The following EYS variants were observed in gnomAD, a reference collection of about 807,000 sequenced individuals.
EYS encodes the protein EGF-like photoreceptor maintenance factor.
Under a neutral mutation model 282.1 loss-of-function variants are expected in EYS, and 250 were observed. The observed-to-expected ratio is 0.89, with a 90% CI of 0.80 to 0.98. The LOEUF (loss-of-function observed/expected upper bound fraction) is 0.98. EYS is among the 50% of genes least tolerant of loss of function. EYS has a pLI of 0.00. For missense variants in EYS, 4,016 were observed against 3,709.0 expected (o/e 1.08, Z -2.15); for synonymous variants, 1,355 against 1,282.9 (o/e 1.06, Z -1.20).
intron 28 of EYS, among the ~76,000 whole-genome samples, chr6:64,389,153 A>G (rs962700337): frequency 2.0e-5 from 3 of 152,320 alleles, no homozygotes; most frequent in African/African-American, 7.2e-5. Flanking sequence ...AGCTTTTTAC[A>G]TTATTAAATT....
At chr6:64,394,202 C>T (rs950274102) in intron 28 of EYS, among the ~76,000 whole-genome samples, 4 of 152,196 alleles carry the variant, frequency 2.6e-5, no homozygotes, top group African/African-American at 9.7e-5. Context: ...AATGGCCATA[C>T]TGCCCAAGGT....
rs531578832 is a variant in EYS at position 65,449,130 on chromosome 6, A to G, written c.862+41464T>C. Among the ~76,000 whole-genome samples, 21 of 152,162 alleles carry G rather than the reference A, an allele frequency of 1.4e-4. No homozygotes were observed. In the South Asian group the frequency reaches 2.1e-3, roughly 15 times the overall value. On this transcript the variant is annotated intron_variant, in intron 5 of 42. Transcript: ENST00000503581. ...CCTAGTCCAAAAGATTCTTGGGGCC[A>G]TCTGCTCTGTTTTGCCTTCTGAGGC...
At chr6:64,143,385 A>G (rs71570665) in intron 31 of EYS, among the ~76,000 whole-genome samples, 1 of 147,096 alleles carries the variant, frequency 6.8e-6, no homozygotes, top group South Asian at 2.2e-4. Context: ...AAAAAAAAGT[A>G]TCACTGTAGT....
At chr6:64,383,506 C>G (rs1241606238) in intron 29 of EYS, among the ~76,000 whole-genome samples, 1 of 152,170 alleles carries the variant, frequency 6.6e-6, no homozygotes. Context: ...GCGGAATAAG[C>G]AGATGGGTGA....
At chr6:63,879,530 T>C (rs961306091) in intron 35 of EYS, among the ~76,000 whole-genome samples, 1 of 152,128 alleles carries the variant, frequency 6.6e-6, no homozygotes, top group African/African-American at 2.4e-5. Context: ...CTTATCTAAA[T>C]AGAAAGATCC....
intron 8 of EYS, among the ~76,000 whole-genome samples, chr6:65,382,204 T>A (rs1277766347): frequency 7.2e-6 from 1 of 139,184 alleles, no homozygotes; most frequent in South Asian, 2.3e-4. Context: ...AAGAACCTCA[T>A]CCTTTGGTGT....
At position 64,034,843 on chromosome 6, in the gene EYS, GAA is replaced by G. The variant is rs575761921; in HGVS notation, c.6725+31493_6725+31494del. ...ACGAGGCATTCTCTTACAACTAAAGGAAAAAAAAAGAGTCTAAGCTGCAGCAA... is the reference window on the plus strand; with the variant it reads ...ACGAGGCATTCTCTTACAACTAAAGGAAAAAAAGAGTCTAAGCTGCAGCAA... On this transcript the variant is annotated intron_variant, in intron 33 of 42. Coordinates refer to ENST00000503581, the MANE Select transcript of EYS (RefSeq NM_001142800.2). Among the ~76,000 whole-genome samples the G allele has an allele frequency of 6.7e-5, 10 of 149,682 alleles. No individual in the cohort carries two copies. In the South Asian group the frequency reaches 1.9e-3, roughly 29 times the overall value.
chr6:64,289,982 A>G (rs2150365176), intron 30 of EYS, among the ~76,000 whole-genome samples: 2 of 152,202 alleles, frequency 1.3e-5, no homozygotes, highest in Middle Eastern at 3.4e-3. Flanking sequence ...AATAATCAAC[A>G]ATTATCTGAT....
chr6:65,243,358 A>G (rs1410422495), intron 12 of EYS, among the ~76,000 whole-genome samples: 1 of 152,208 alleles, frequency 6.6e-6, no homozygotes, highest in Non-Finnish European at 1.5e-5. Context: ...AGCAGAGATC[A>G]GAGTTACTGG....
intron 12 of EYS, among the ~76,000 whole-genome samples, chr6:65,084,568 C>T (rs543514952): frequency 6.6e-6 from 1 of 152,168 alleles, no homozygotes; most frequent in African/African-American, 2.4e-5. Flanking sequence ...TCTTCACTGT[C>T]GTGTATCCTA....
At chr6:64,411,961 A>G (rs1208944861) in intron 28 of EYS, among the ~76,000 whole-genome samples, 3 of 151,502 alleles carry the variant, frequency 2.0e-5, no homozygotes, top group African/African-American at 7.3e-5. Context: ...GCATATATGT[A>G]TATATATACA....
At chr6:63,740,419 G>C (rs914561615) in intron 41 of EYS, among the ~76,000 whole-genome samples, 19 of 152,194 alleles carry the variant, frequency 1.2e-4, no homozygotes, top group Admixed American at 9.2e-4. Context: ...ATGTGGAACT[G>C]TAAGTCCATT....
chr6:64,072,118 A>G (rs1194185997), intron 32 of EYS, among the ~76,000 whole-genome samples: 3 of 152,020 alleles, frequency 2.0e-5, no homozygotes, highest in East Asian at 3.9e-4. Context: ...ATAAAAATAG[A>G]TTAAGTCAAT....
rs1437364404 is a variant in EYS, at chr6:65,198,601, T to C, written c.2023+97262A>G. ...ACTATGCAATACATGGGACCACCAC[T>C]GTATATGTGGCATATCATTGACTAC... is the stretch of plus-strand genomic sequence containing the variant. On this transcript the variant is annotated intron_variant, in intron 12 of 42. Coordinates refer to ENST00000503581, the MANE Select transcript of EYS (RefSeq NM_001142800.2). 2.0e-5 allele frequency among the ~76,000 whole-genome samples: 3 copies of C among 152,052 alleles called. No individual in the cohort carries two copies. In the East Asian group the frequency reaches 5.8e-4, roughly 29 times the overall value.
intron 26 of EYS, among the ~76,000 whole-genome samples, chr6:64,462,944 T>G (rs1218208866): frequency 1.7e-5 from 2 of 117,592 alleles, no homozygotes; most frequent in East Asian, 5.1e-4. Context: ...CAGCTTTAAT[T>G]TTTTTTTTTT....
intron 11 of EYS, among the ~76,000 whole-genome samples, chr6:65,310,745 T>C (rs1300870533): frequency 2.0e-5 from 3 of 152,072 alleles, no homozygotes; most frequent in Non-Finnish European, 4.4e-5. Context: ...GATTCCCATT[T>C]CCACTGGCTG....
chr6:64,871,962 A>T (rs966265151), intron 19 of EYS, among the ~76,000 whole-genome samples: 50 of 152,184 alleles, frequency 3.3e-4, no homozygotes, highest in African/African-American at 1.1e-3. Context: ...CTGAGAGGTG[A>T]TTATAAAAGT....
intron 35 of EYS, among the ~76,000 whole-genome samples, chr6:63,888,225 T>C (rs1214721212): frequency 1.3e-5 from 2 of 152,234 alleles, no homozygotes; most frequent in African/African-American, 4.8e-5. Context: ...AGCAGACTTA[T>C]ACATTCCTGC....
chr6:64,100,490 G>A (rs1411289859), intron 31 of EYS, among the ~76,000 whole-genome samples: 1 of 151,846 alleles, frequency 6.6e-6, no homozygotes, highest in Non-Finnish European at 1.5e-5. Flanking sequence ...GTATAATGCT[G>A]CTGTTTATTT....
Sources: allele counts gnomAD v4.1 joint callset (sites outside exome capture counted in the v4.1 genomes callset), GRCh38; gene constraint gnomAD v4.1.1; transcripts MANE v1.5; gene names NCBI Gene and HGNC (gene_info 2026-07-23, HGNC 2026-07-21).